Variants in ACOT7 observed in about 807,000 individuals in gnomAD.
The protein encoded by ACOT7 is acyl-CoA thioesterase 7, also known as cytosolic acyl coenzyme A thioester hydrolase.
Under a neutral mutation model 40.2 loss-of-function variants are expected in ACOT7, and 12 were observed. The ratio of observed to expected loss-of-function variants is 0.30; its 90% confidence interval spans 0.19 to 0.48. The LOEUF (loss-of-function observed/expected upper bound fraction) is 0.48. ACOT7 is among the 20% of genes least tolerant of loss of function. ACOT7 has a pLI of 0.99. For missense variants in ACOT7, 395 were observed against 530.8 expected, an observed-to-expected ratio of 0.74 and a Z score of 2.51; for synonymous variants, 228 against 219.5, an observed-to-expected ratio of 1.04 and a Z score of -0.34.
chr1:6,323,729 AAAAAAAAAATATAT>A (rs1481233942), intron 5 of ACOT7, among the ~76,000 whole-genome samples: 18 of 94,600 alleles, frequency 1.9e-4, no homozygotes, highest in Non-Finnish European at 3.2e-4. Flanking sequence ...AAAAAAAAAA[AAAAAAAAAATATAT>A]ATATATATAT....
Position 6,338,428 on chromosome 1 carries a change from C to G in ACOT7, c.418+1005G>C, listed in dbSNP as rs890929615. Among the ~76,000 whole-genome samples the G allele has an allele frequency of 1.3e-5, 2 of 152,188 alleles. No individual in the cohort carries two copies. The highest frequency in any genetic ancestry group is 4.8e-5 in the African/African-American group (2 of 41,462). ...TGGGCCACATCCTGAGACCAGCATC[C>G]AGGGTCCCTCTGATGTCAGAGGTGC... On this transcript the variant is annotated intron_variant, in intron 3 of 8. Transcript: ENST00000361521. The surrounding 1 kb of genome is among the most constrained non-coding windows in gnomAD (Gnocchi z 4.4).
chr1:6,373,603 G>A (rs1039407675), intron 1 of ACOT7, among the ~76,000 whole-genome samples: 6 of 151,708 alleles, frequency 4.0e-5, no homozygotes, highest in South Asian at 4.2e-4. Flanking sequence ...AGTGGCTCAC[G>A]CCTATAATCC....
intron 4 of ACOT7, among the ~76,000 whole-genome samples, chr1:6,331,147 C>T (rs1640941101): frequency 6.6e-6 from 1 of 152,150 alleles, no homozygotes; most frequent in Admixed American, 6.5e-5. Flanking sequence ...GAGAGAACAG[C>T]CCCACAAGAA....
In ACOT7 at chr1:6,326,458, T is replaced by C. The variant is rs573158763; in HGVS notation, c.625+841A>G. On this transcript the variant is annotated intron_variant, in intron 5 of 8. Coordinates refer to ENST00000361521, the MANE Select transcript of ACOT7 (RefSeq NM_007274.4). ...GCACCCTGACATGAGAGCAAGAGGA[T>C]GGATGGCAGAAGGGACCAACACCAC... 2.6e-5 allele frequency among the ~76,000 whole-genome samples: 4 copies of C among 152,180 alleles called. No individual in the cohort carries two copies. The East Asian group carries it at 5.8e-4, about 22-fold the overall frequency.
At chr1:6,380,670 T>C (rs1387885757) in intron 1 of ACOT7, among the ~76,000 whole-genome samples, 1 of 138,182 alleles carries the variant, frequency 7.2e-6, no homozygotes, top group Non-Finnish European at 1.5e-5. Context: ...ACTGGATATT[T>C]ACACACAAAA....
At chr1:6,321,578 G>C (rs1186341735) in intron 5 of ACOT7, among the ~76,000 whole-genome samples, 3 of 152,212 alleles carry the variant, frequency 2.0e-5, no homozygotes, top group Admixed American at 2.0e-4. Flanking sequence ...GCAGTGATGT[G>C]ATCTCGGCTC....
chr1:6,300,242 G>A (rs992288871), intron 6 of ACOT7, among the ~76,000 whole-genome samples: 1 of 152,164 alleles, frequency 6.6e-6, no homozygotes, highest in African/African-American at 2.4e-5. Context: ...CCAAAGCCTA[G>A]CATCAGGAGC....
intron 1 of ACOT7, among the ~76,000 whole-genome samples, chr1:6,351,458 T>C (rs1017124710): frequency 6.6e-6 from 1 of 152,286 alleles, no homozygotes; most frequent in Admixed American, 6.5e-5. Context: ...GTCTGAGTTA[T>C]GAGGTAGCCA....
Position 6,294,954 on chromosome 1 carries a change from C to T in ACOT7, c.739G>A (p.Val247Ile). ...GGVTMKLMDE[V>I]AGIVAARHCK... ...TGGCGTGCAGCCACGATCCCGGCGA[C>T]CTCATCCATGAGCTTCATGGTCACA... is the stretch of plus-strand genomic sequence containing the variant. The change falls in exon 7 of 9, where the codon GTC becomes ATC. Residue 247 changes from valine (V) to isoleucine (I), a missense_variant. By Grantham distance (29) the Val-to-Ile change is conservative (BLOSUM62 3). This residue lies in a region of ACOT7 where 309 missense variants were observed against 470.3 expected (regional missense o/e 0.66). Transcript: ENST00000361521. This position sits in a 1 kb window ranked among gnomAD's most constrained non-coding sequence, Gnocchi z 4.6. The T allele has an allele frequency of 6.2e-7, 1 of 1,614,072 alleles. No individual in the cohort carries two copies. Among genetic ancestry groups the T allele is most frequent in the Non-Finnish European group, 8.5e-7 (1 of 1,179,974 alleles).
In ACOT7 at chr1:6,306,668, G is replaced by T; in HGVS notation, c.713-11688C>A. ...ACGAGGAAGAAAGCGGCGTCCCAAAGCATTTGTTTGTTCACCTCTTGATCC... is the reference window on the plus strand; with the variant it reads ...ACGAGGAAGAAAGCGGCGTCCCAAATCATTTGTTTGTTCACCTCTTGATCC... On this transcript the variant is annotated intron_variant, in intron 6 of 8. Coordinates refer to ENST00000361521, the MANE Select transcript of ACOT7 (RefSeq NM_007274.4). The surrounding 1 kb of genome is among the most constrained non-coding windows in gnomAD (Gnocchi z 4.3). 4.1e-6 allele frequency: 4 copies of T among 985,396 alleles called. No individual in the cohort carries two copies. Among genetic ancestry groups the T allele is most frequent in the Non-Finnish European group, 4.8e-6 (4 of 829,912 alleles). The allele number at this position is 985,396 out of a possible 1,614,324, so 61.0% of individuals were successfully genotyped here.
At chr1:6,304,846 T>TC (rs1375856453) in intron 6 of ACOT7, among the ~76,000 whole-genome samples, 6 of 139,708 alleles carry the variant, frequency 4.3e-5, no homozygotes, top group Admixed American at 3.4e-4. Context: ...TCCCCACCTT[T>TC]CCCCCCTTTC....
intron 7 of ACOT7, among the ~76,000 whole-genome samples, chr1:6,291,570 G>C (rs543763002): frequency 1.3e-5 from 2 of 152,316 alleles, no homozygotes; most frequent in Admixed American, 6.5e-5. Context: ...AGCTCTGCCA[G>C]GCACCACGTG....
chr1:6,314,165 G>A (rs1259194267), intron 6 of ACOT7, among the ~76,000 whole-genome samples: 2 of 152,122 alleles, frequency 1.3e-5, no homozygotes, highest in Admixed American at 1.3e-4. Flanking sequence ...ATTGGCTTTC[G>A]TAGTAACACC....
intron 6 of ACOT7, among the ~76,000 whole-genome samples, chr1:6,304,980 G>A (rs1267191942): frequency 6.7e-6 from 1 of 149,794 alleles, no homozygotes; most frequent in Non-Finnish European, 1.5e-5. Flanking sequence ...GCCGGGCAGA[G>A]GCGCCCCTCA....
At position 6,291,854 on chromosome 1, in the gene ACOT7, C is replaced by A. The variant is rs190211672; in HGVS notation, c.829+3010G>T. On this transcript the variant is annotated intron_variant, in intron 7 of 8. Coordinates refer to ENST00000361521, the MANE Select transcript of ACOT7 (RefSeq NM_007274.4). The stretch of plus-strand genomic sequence containing the variant: ...ACCCAGTGTCACCCAGAACCCAGAG[C>A]CAGCAGGGGCCGTGCCTCCCCGCAC... Among the ~76,000 whole-genome samples, 62 of 152,310 alleles carry A rather than the reference C, an allele frequency of 4.1e-4. 1 individual carries two copies. Among genetic ancestry groups the A allele is most frequent in the Admixed American group, 2.3e-3 (35 of 15,304 alleles).
chr1:6,328,889 G>A (rs1490272322), intron 4 of ACOT7, among the ~76,000 whole-genome samples: 2 of 152,164 alleles, frequency 1.3e-5, no homozygotes, highest in Non-Finnish European at 2.9e-5. Flanking sequence ...GCCGCAGGCT[G>A]GTTCCAGACC....
chr1:6,358,935 A>T lies in ACOT7; in HGVS notation c.144-9069T>A. The T allele has an allele frequency of 1.9e-6, 3 of 1,555,994 alleles. No individual in the cohort carries two copies. The highest frequency in any genetic ancestry group is 2.6e-6 in the Non-Finnish European group (3 of 1,148,716). Reference sequence around the variant, plus strand: ...TCCTTGCCTGACCCAGGACTGTCCCAGCTCCCTGCCACACCGGGCTTGGTG... The same window carrying T: ...TCCTTGCCTGACCCAGGACTGTCCCTGCTCCCTGCCACACCGGGCTTGGTG... On this transcript the variant is annotated intron_variant, in intron 1 of 8. Coordinates refer to ENST00000361521, the MANE Select transcript of ACOT7 (RefSeq NM_007274.4). This position sits in a 1 kb window ranked among gnomAD's most constrained non-coding sequence, Gnocchi z 4.1.
At position 6,294,179 on chromosome 1, in the gene ACOT7, T is replaced by C. The variant is rs1001561224; in HGVS notation, c.829+685A>G. On this transcript the variant is annotated intron_variant, in intron 7 of 8. Coordinates refer to ENST00000361521, the MANE Select transcript of ACOT7 (RefSeq NM_007274.4). This position sits in a 1 kb window ranked among gnomAD's most constrained non-coding sequence, Gnocchi z 4.6. ...CTGCTGCAGGGGGTGCACGGCCTCA[T>C]CTCAGCAGACGTCACACTGACAAAA... Among the ~76,000 whole-genome samples, 1 of 152,228 alleles carries C rather than the reference T, an allele frequency of 6.6e-6. No homozygotes were observed. The highest frequency in any genetic ancestry group is 2.4e-5 in the African/African-American group (1 of 41,458).
Position 6,299,624 on chromosome 1 carries a change from T to C in ACOT7, c.713-4644A>G, listed in dbSNP as rs1639909472. 6.6e-6 allele frequency among the ~76,000 whole-genome samples: 1 copy of C among 151,562 alleles called. No homozygotes were observed. Among genetic ancestry groups the C allele is most frequent in the Non-Finnish European group, 1.5e-5 (1 of 67,944 alleles). On this transcript the variant is annotated intron_variant, in intron 6 of 8. Transcript: ENST00000361521. The surrounding 1 kb of genome is among the most constrained non-coding windows in gnomAD (Gnocchi z 4.1). ...CCCACCCGGCCACCTCCTGACTAGGTACTAGGTCATGGCTTCAGAGAGAGA... is the reference window on the plus strand; with the variant it reads ...CCCACCCGGCCACCTCCTGACTAGGCACTAGGTCATGGCTTCAGAGAGAGA...
Sources: gnomAD v4.1 joint callset for allele counts (sites outside exome capture counted in the v4.1 genomes callset) on GRCh38, gnomAD v4.1.1 for gene constraint, gnomAD v4.1.1 regional missense constraint, Gnocchi (gnomAD v3.1) non-coding constraint, MANE v1.5 for transcripts, NCBI Gene and HGNC (gene_info 2026-07-23, HGNC 2026-07-21) for gene names.